The following FBXW10 variants were observed in gnomAD, a reference collection of about 807,000 sequenced individuals.
FBXW10 encodes the protein F-box and WD repeat domain containing 10.
In FBXW10, 68 loss-of-function variants were observed where a neutral mutation model predicts 113.1. The ratio of observed to expected loss-of-function variants is 0.60; its 90% CI spans 0.49 to 0.74. FBXW10 has a LOEUF of 0.74. FBXW10 is among the 30% of genes least tolerant of loss of function. The pLI, the probability that FBXW10 is intolerant of heterozygous loss-of-function variation, is 0.00. For synonymous variants in FBXW10, 289 were observed against 481.6 expected (o/e 0.60, Z 5.24); for missense variants, 753 against 1,284.5 (o/e 0.59, Z 6.32).
At position 18,769,974 on chromosome 17, in the gene FBXW10, G is replaced by C. The variant is rs769199343; in HGVS notation, c.1895G>C (p.Cys632Ser). ...SLLFLRVISA[C>S]ADGKIRIYNF... ...CTCTTCCTCCGGGTCATCAGCGCCT[G>C]TGCAGATGGCAAGATCCGAATTTAC... Residue 632 changes from cysteine to serine, a missense_variant, in exon 11 of 14, where the codon TGT (cysteine) becomes TCT (serine). Physicochemically the swap from Cys to Ser is moderately radical, Grantham distance 112. Coordinates refer to ENST00000395665, the MANE Select transcript of FBXW10 (RefSeq NM_001267585.2). 3.1e-6 allele frequency: 5 copies of C among 1,614,168 alleles called. No homozygotes were observed. Among genetic ancestry groups the C allele is most frequent in the Non-Finnish European group, 4.2e-6 (5 of 1,180,040 alleles).
chr17:18,747,798 C>G, intron 1 of FBXW10, 143 bp from the exon 2 acceptor site: 1 of 1,348,108 alleles, frequency 7.4e-7, no homozygotes, highest in Admixed American at 2.9e-5. Flanking sequence ...TTGGAGGCCC[C>G]AAATAAAAAC....
chr17:18,767,443 C>CAAA (rs5819658), intron 9 of FBXW10, among the ~76,000 whole-genome samples: 24 of 124,008 alleles, frequency 1.9e-4, no homozygotes, highest in African/African-American at 6.2e-4. Flanking sequence ...TCATGCGTCT[C>CAAA]AAAAAAAAAA....
intron 1 of FBXW10, among the ~76,000 whole-genome samples, chr17:18,745,835 C>G (rs539658978): frequency 1.1e-4 from 16 of 152,250 alleles, no homozygotes; most frequent in African/African-American, 3.6e-4. Context: ...CCAGATAGTT[C>G]AGGGAAGCAG....
chr17:18,757,480 CATT>C (rs1284007048), intron 6 of FBXW10, among the ~76,000 whole-genome samples: 2 of 152,206 alleles, frequency 1.3e-5, no homozygotes, highest in African/African-American at 4.8e-5. Flanking sequence ...GTCCTAGTGT[CATT>C]AATAATAGTG....
intron 13 of FBXW10, among the ~76,000 whole-genome samples, chr17:18,777,412 A>G (rs2035722854): frequency 6.6e-6 from 1 of 152,032 alleles, no homozygotes; most frequent in African/African-American, 2.4e-5. Flanking sequence ...TTGGAGTCAA[A>G]TTTGATTAAT....
chr17:18,768,711 G>A (rs1314722217), intron 10 of FBXW10, 35 bp downstream of exon 10: 9 of 1,610,846 alleles, frequency 5.6e-6, no homozygotes, highest in African/African-American at 2.7e-5. Context: ...GATGAACCTG[G>A]TGTCCTTCCC....
chr17:18,774,957 G>T lies in FBXW10; in HGVS notation c.2279-179G>T, dbSNP rs189630130. Among the ~76,000 whole-genome samples the T allele has an allele frequency of 2.0e-5, 3 of 152,250 alleles. No individual in the cohort carries two copies. The East Asian group carries it at 5.8e-4, about 29-fold the overall frequency. On this transcript the variant is annotated intron_variant, in intron 12 of 13. Transcript: ENST00000395665. ...TCTGATCATTACACATTTTATGCAT[G>T]TATCAAAATATCACATGTACTCCAT...
chr17:18,767,946 C>CGA lies in FBXW10; in HGVS notation c.1705-580_1705-579dup, dbSNP rs748507705. ...ACCCTGATCCCATTCCTCCTTAACC[C>CGA]GAGAGAGAGCTCTATGTGGAATGGA... On this transcript the variant is annotated intron_variant, in intron 9 of 13. Transcript: ENST00000395665. 5.9e-5 allele frequency among the ~76,000 whole-genome samples: 9 copies of CGA among 152,164 alleles called. No individual in the cohort carries two copies. In the South Asian group the frequency reaches 6.2e-4, roughly 11 times the overall value.
At chr17:18,765,223 T>C (rs145569250) in intron 8 of FBXW10, among the ~76,000 whole-genome samples, 2 of 151,840 alleles carry the variant, frequency 1.3e-5, no homozygotes, top group Non-Finnish European at 2.9e-5. Flanking sequence ...TGAACAACAA[T>C]GGCTGCCATT....
intron 11 of FBXW10, among the ~76,000 whole-genome samples, chr17:18,770,922 A>G (rs1473311793): frequency 6.6e-6 from 1 of 152,062 alleles, no homozygotes. Flanking sequence ...GGGTGCTATT[A>G]TATGAAAATA....
chr17:18,766,397 C>G (rs1428748240), intron 8 of FBXW10, among the ~76,000 whole-genome samples: 1 of 151,680 alleles, frequency 6.6e-6, no homozygotes, highest in South Asian at 2.1e-4. Flanking sequence ...ATTTTTCAGG[C>G]TTGAGGAATT....
At chr17:18,748,486 G>A (rs2035092588) in intron 2 of FBXW10, among the ~76,000 whole-genome samples, 1 of 151,438 alleles carries the variant, frequency 6.6e-6, no homozygotes, top group African/African-American at 2.4e-5. Flanking sequence ...GAACTGGAGG[G>A]GCTGGCAGGG....
At chr17:18,754,869 C>G (rs555606530) in intron 5 of FBXW10, among the ~76,000 whole-genome samples, 1 of 152,176 alleles carries the variant, frequency 6.6e-6, no homozygotes, top group Non-Finnish European at 1.5e-5. Context: ...TCCCAGATAC[C>G]TTATCTGTAA....
rs2035072345 is a variant in FBXW10, at chr17:18,747,974, C to G, written c.539C>G (p.Ser180Cys). ...LNQDITDVCF[S>C]PEKDHSSKSA... is the part of the protein sequence containing the mutation. ...CAAGACATCACAGATGTGTGTTTTT[C>G]CCCTGAGAAAGACCACAGCTCCAAG... The change falls in exon 2 of 14, where the codon TCC becomes TGC. Residue 180 changes from serine (S) to cysteine (C), a missense_variant. By Grantham distance (112) the Ser-to-Cys change is moderately radical. Coordinates refer to ENST00000395665, the MANE Select transcript of FBXW10 (RefSeq NM_001267585.2). 13 of 1,613,720 alleles carry G rather than the reference C, an allele frequency of 8.1e-6. No individual in the cohort carries two copies. In the South Asian group the frequency reaches 1.2e-4, roughly 15 times the overall value.
chr17:18,762,729 G>A (rs1483874341), intron 7 of FBXW10, among the ~76,000 whole-genome samples: 1 of 152,102 alleles, frequency 6.6e-6, no homozygotes, highest in African/African-American at 2.4e-5. Flanking sequence ...CAGTGAGAGT[G>A]GGCATCTTCA....
At chr17:18,750,317 C>T (rs1318257334) in intron 4 of FBXW10, among the ~76,000 whole-genome samples, 180 bp downstream of exon 4, 3 of 152,278 alleles carry the variant, frequency 2.0e-5, no homozygotes, top group East Asian at 1.9e-4. Flanking sequence ...ACTGAGTACT[C>T]TTTCATTGTC....
At chr17:18,757,591 G>T (rs926339245) in intron 6 of FBXW10, among the ~76,000 whole-genome samples, 1 of 152,210 alleles carries the variant, frequency 6.6e-6, no homozygotes, top group Admixed American at 6.5e-5. Context: ...AGGTTACAGG[G>T]AGTTATTATT....
chr17:18,764,198 CT>C, intron 7 of FBXW10, among the ~76,000 whole-genome samples: 1 of 129,488 alleles, frequency 7.7e-6, no homozygotes, highest in African/African-American at 3.4e-5. Context: ...GATGTAAATA[CT>C]CTTTTTTTTT....
chr17:18,768,026 T>TCTTCCTTCCTTTCTTCCTTCCTTCCTTC (rs2035533400), intron 9 of FBXW10, among the ~76,000 whole-genome samples: 1 of 135,680 alleles, frequency 7.4e-6, no homozygotes, highest in Non-Finnish European at 1.6e-5. Context: ...TTCCTTCCTT[T>TCTTCCTTCCTTTCTTCCTTCCTTCCTTC]CTTCCTTCCT....
Sources: gnomAD v4.1 joint callset for allele counts (sites outside exome capture counted in the v4.1 genomes callset) on GRCh38, gnomAD v4.1.1 for gene constraint, MANE v1.5 for transcripts, NCBI Gene and HGNC (gene_info 2026-07-23, HGNC 2026-07-21) for gene names.